PRKCE: variants seen among roughly 807,000 people sequenced by gnomAD.
PRKCE encodes the protein protein kinase C epsilon type.
PRKCE carries 16 observed loss-of-function variants against 85.4 expected under a neutral mutation model. The ratio of observed to expected loss-of-function variants is 0.19; its 90% CI spans 0.13 to 0.28. The LOEUF is 0.28. Among genes scored for constraint, PRKCE ranks in the 10% least tolerant of loss-of-function variants. The probability of loss-of-function intolerance (pLI) is 1.00; values close to 1 mark genes in which losing one functional copy is unlikely to be tolerated. For synonymous variants in PRKCE, 388 were observed against 371.5 expected (o/e 1.04, Z -0.51); for missense variants, 573 against 975.2 (o/e 0.59, Z 5.49).
intron 10 of PRKCE, among the ~76,000 whole-genome samples, chr2:46,067,505 C>T (rs1450798660): frequency 6.6e-6 from 1 of 152,190 alleles, no homozygotes; most frequent in East Asian, 1.9e-4. Flanking sequence ...TTTCTCGTCT[C>T]TTCCACATGT....
At chr2:46,065,897 A>G (rs1223380896) in intron 10 of PRKCE, among the ~76,000 whole-genome samples, 1 of 152,162 alleles carries the variant, frequency 6.6e-6, no homozygotes, top group Non-Finnish European at 1.5e-5. Context: ...TGGGAAGCTA[A>G]CCCACTCTTG....
intron 11 of PRKCE, among the ~76,000 whole-genome samples, chr2:46,133,903 A>G (rs1674705291): frequency 6.6e-6 from 1 of 152,130 alleles, no homozygotes; most frequent in African/African-American, 2.4e-5. Context: ...TGGGGGTGGT[A>G]GTGAGGGGCT....
At chr2:45,900,532 A>G (rs994028200) in intron 2 of PRKCE, among the ~76,000 whole-genome samples, 2 of 152,236 alleles carry the variant, frequency 1.3e-5, no homozygotes, top group Non-Finnish European at 1.5e-5. Flanking sequence ...CACATATTCT[A>G]TGATTCCACT....
intron 1 of PRKCE, among the ~76,000 whole-genome samples, chr2:45,718,494 A>ATG (rs1680340568): frequency 2.0e-5 from 3 of 151,756 alleles, no homozygotes; most frequent in Non-Finnish European, 4.4e-5. Flanking sequence ...ACAGGCACGC[A>ATG]CCACTACACT....
At chr2:45,999,704 G>A (rs1022967505) in intron 6 of PRKCE, among the ~76,000 whole-genome samples, 1 of 151,726 alleles carries the variant, frequency 6.6e-6, no homozygotes, top group African/African-American at 2.4e-5. Context: ...ATTTTTTTCT[G>A]TTCCTTTCTC....
At position 45,905,972 on chromosome 2, in the gene PRKCE, G is replaced by A. The variant is rs553889234; in HGVS notation, c.412+62909G>A. 3.5e-4 allele frequency among the ~76,000 whole-genome samples: 54 copies of A among 152,224 alleles called. No homozygotes were observed. Among genetic ancestry groups the A allele is most frequent in the Non-Finnish European group, 7.8e-4 (53 of 68,040 alleles). ...CGGGGTGGGCAGGCTATCTTCAGCG[G>A]TGATGCGCTTTCAACCCTCCTCCCC... On this transcript the variant is annotated intron_variant, in intron 2 of 14. Coordinates refer to ENST00000306156, the MANE Select transcript of PRKCE (RefSeq NM_005400.3). The surrounding 1 kb of genome is among the most constrained non-coding windows in gnomAD (Gnocchi z 4.4).
chr2:45,894,761 C>A (rs1381323265), intron 2 of PRKCE, among the ~76,000 whole-genome samples: 1 of 152,172 alleles, frequency 6.6e-6, no homozygotes, highest in Admixed American at 6.5e-5. Flanking sequence ...CTCACCATGT[C>A]GCCCAGGCTG....
At chr2:45,758,792 A>T (rs1337800994) in intron 1 of PRKCE, among the ~76,000 whole-genome samples, 2 of 152,148 alleles carry the variant, frequency 1.3e-5, no homozygotes, top group African/African-American at 4.8e-5. Context: ...GATGCTCAAT[A>T]AATTTTTGTT....
At position 45,652,584 on chromosome 2, in the gene PRKCE, G is replaced by A. The variant is rs1675174805; in HGVS notation, c.348+136G>A. 10 of 849,024 alleles carry A rather than the reference G, an allele frequency of 1.2e-5. No individual in the cohort carries two copies. The highest frequency in any genetic ancestry group is 2.9e-5 in the Admixed American group (1 of 34,626). The allele number at this position is 849,024 out of a possible 1,614,324, so 52.6% of individuals were successfully genotyped here. On this transcript the variant is annotated intron_variant, in intron 1 of 14. Coordinates refer to ENST00000306156, the MANE Select transcript of PRKCE (RefSeq NM_005400.3). The surrounding 1 kb of genome is among the most constrained non-coding windows in gnomAD (Gnocchi z 7.7). ...GTGCCTGTAAGTCTCAGTTTCCTTG[G>A]GGAGGTACACTTCACTTCATAGTTG...
intron 1 of PRKCE, among the ~76,000 whole-genome samples, chr2:45,797,001 T>C (rs181538918): frequency 1.4e-4 from 22 of 152,348 alleles, no homozygotes; most frequent in African/African-American, 3.1e-4. Context: ...TAACTCCATT[T>C]ACTATTTATT....
At chr2:46,087,094 G>A (rs115515807) in intron 11 of PRKCE, among the ~76,000 whole-genome samples, 1 of 151,434 alleles carries the variant, frequency 6.6e-6, no homozygotes, top group Non-Finnish European at 1.5e-5. Context: ...TTTCTCAATG[G>A]CTGTTAATTT....
rs145721715 is a variant in PRKCE at position 46,063,671 on chromosome 2, C to T, written c.1438-22537C>T. Among the ~76,000 whole-genome samples, 21 of 152,250 alleles carry T rather than the reference C, an allele frequency of 1.4e-4. No individual in the cohort carries two copies. In the East Asian group the frequency reaches 3.7e-3, roughly 27 times the overall value. ...AGCATGCTCCCAGGGCAGAGAATTCCGCAACTGTGACCATCTTGCAAGGGG... is the reference window on the plus strand; with the variant it reads ...AGCATGCTCCCAGGGCAGAGAATTCTGCAACTGTGACCATCTTGCAAGGGG... On this transcript the variant is annotated intron_variant, in intron 10 of 14. Coordinates refer to ENST00000306156, the MANE Select transcript of PRKCE (RefSeq NM_005400.3).
intron 1 of PRKCE, among the ~76,000 whole-genome samples, chr2:45,693,541 C>T (rs560504289): frequency 2.0e-5 from 3 of 152,092 alleles, no homozygotes; most frequent in Non-Finnish European, 2.9e-5. Flanking sequence ...GGAGGAAGGT[C>T]GAGAGGAGAT....
At chr2:45,794,553 G>T (rs374978678) in intron 1 of PRKCE, among the ~76,000 whole-genome samples, 1 of 152,262 alleles carries the variant, frequency 6.6e-6, no homozygotes, top group African/African-American at 2.4e-5. Flanking sequence ...GGTTTCAAGC[G>T]CCTGGGGAGG....
At chr2:46,112,984 G>T (rs1294352209) in intron 11 of PRKCE, among the ~76,000 whole-genome samples, 1 of 152,058 alleles carries the variant, frequency 6.6e-6, no homozygotes, top group East Asian at 1.9e-4. Context: ...ATAACATATT[G>T]TCATAGTACC....
intron 10 of PRKCE, among the ~76,000 whole-genome samples, chr2:46,057,623 G>A (rs536931041): frequency 3.9e-5 from 6 of 152,082 alleles, no homozygotes; most frequent in South Asian, 2.1e-4. Flanking sequence ...TAGTAGACAC[G>A]GGGTTTCGCC....
intron 1 of PRKCE, among the ~76,000 whole-genome samples, chr2:45,838,550 C>T (rs1011430045): frequency 2.0e-5 from 3 of 152,248 alleles, no homozygotes; most frequent in East Asian, 1.9e-4. Context: ...GCCCTTCCTG[C>T]CCCGGGTTTC....
chr2:45,759,096 C>G (rs989457950), intron 1 of PRKCE, among the ~76,000 whole-genome samples: 5 of 152,294 alleles, frequency 3.3e-5, no homozygotes, highest in African/African-American at 1.2e-4. Context: ...ACTTTCCAAA[C>G]TCTCCCCTCT....
rs1427295829 is a variant in PRKCE at position 45,745,385 on chromosome 2, C to G, written c.348+92937C>G. On this transcript the variant is annotated intron_variant, in intron 1 of 14. Coordinates refer to ENST00000306156, the MANE Select transcript of PRKCE (RefSeq NM_005400.3). ...AGTCACCCTGGGGAGGCTTCTTTCC[C>G]TATCTGCTCTGTTGTGCTTCGCTTT... is the stretch of plus-strand genomic sequence containing the variant. Among the ~76,000 whole-genome samples, 6 of 152,250 alleles carry G rather than the reference C, an allele frequency of 3.9e-5. No individual in the cohort carries two copies. In the East Asian group the frequency reaches 1.2e-3, roughly 29 times the overall value.
Sources: allele counts gnomAD v4.1 joint callset (sites outside exome capture counted in the v4.1 genomes callset), GRCh38; gene constraint gnomAD v4.1.1; non-coding constraint Gnocchi (gnomAD v3.1); transcripts MANE v1.5; gene names NCBI Gene and HGNC (gene_info 2026-07-23, HGNC 2026-07-21).